The following KCNAB1 variants were observed in gnomAD, a reference collection of about 807,000 sequenced individuals.
The protein encoded by KCNAB1 is potassium voltage-gated channel subfamily A regulatory beta subunit 1, also known as voltage-gated potassium channel subunit beta-1.
KCNAB1 carries 35 observed loss-of-function variants against 64.6 expected under a neutral mutation model. The ratio of observed to expected loss-of-function variants is 0.54; its 90% confidence interval spans 0.41 to 0.72. The LOEUF is 0.72. Ranked by LOEUF, KCNAB1 falls within the 30% of genes least tolerant of loss-of-function variation. KCNAB1 has a pLI of 0.00. For missense variants in KCNAB1, 401 were observed against 512.9 expected, an observed-to-expected ratio of 0.78 and a Z score of 2.11; for synonymous variants, 177 against 183.8, an observed-to-expected ratio of 0.96 and a Z score of 0.30.
In KCNAB1 at chr3:156,223,627, C is replaced by T. The variant is rs75791263; in HGVS notation, c.275+102741C>T. 2.2e-3 allele frequency among the ~76,000 whole-genome samples: 331 copies of T among 152,256 alleles called. 2 individuals carry two copies. The highest frequency in any genetic ancestry group is 0.017 in the South Asian group (80 of 4,822). On this transcript the variant is annotated intron_variant, in intron 1 of 13. Transcript: ENST00000490337. ...GAGTGCTGATTGGTGTATTTACAAT[C>T]CCTTAGCTAGACATAAAGGTTCTCC...
At chr3:156,258,006 C>G (rs1718203842) in intron 1 of KCNAB1, among the ~76,000 whole-genome samples, 1 of 152,204 alleles carries the variant, frequency 6.6e-6, no homozygotes, top group African/African-American at 2.4e-5. Flanking sequence ...CCAACTTATT[C>G]TCAAGCAGGT....
intron 1 of KCNAB1, among the ~76,000 whole-genome samples, chr3:156,393,586 C>T (rs1167741796): frequency 1.3e-5 from 2 of 152,102 alleles, no homozygotes; most frequent in Non-Finnish European, 2.9e-5. Context: ...ATAGGGCAGG[C>T]TTTTTCAACG....
chr3:156,236,566 CG>C (rs1211076399), intron 1 of KCNAB1, among the ~76,000 whole-genome samples: 1 of 152,150 alleles, frequency 6.6e-6, no homozygotes, highest in African/African-American at 2.4e-5. Context: ...AGCAGCTGAA[CG>C]GTTGATGAAA....
At chr3:156,477,638 T>G (rs147494911) in intron 8 of KCNAB1, among the ~76,000 whole-genome samples, 38 of 152,242 alleles carry the variant, frequency 2.5e-4, no homozygotes, top group African/African-American at 9.1e-4. Flanking sequence ...AAAATGTTTA[T>G]CCTCAAACTT....
intron 1 of KCNAB1, among the ~76,000 whole-genome samples, chr3:156,356,008 G>A (rs962893460): frequency 1.3e-5 from 2 of 151,634 alleles, no homozygotes; most frequent in African/African-American, 4.9e-5. Context: ...TGTAGTCCCA[G>A]CTACTTGGGA....
At chr3:156,334,567 C>T (rs975904032) in intron 1 of KCNAB1, among the ~76,000 whole-genome samples, 3 of 152,172 alleles carry the variant, frequency 2.0e-5, no homozygotes, top group Non-Finnish European at 2.9e-5. Context: ...TCCAACACAT[C>T]GTGATTGTTA....
At chr3:156,303,205 C>T (rs1382499242) in intron 1 of KCNAB1, among the ~76,000 whole-genome samples, 1 of 152,222 alleles carries the variant, frequency 6.6e-6, no homozygotes, top group Non-Finnish European at 1.5e-5. Flanking sequence ...GCTCTCTTAT[C>T]ACTGCCTAGA....
At chr3:156,338,515 T>C (rs1169504588) in intron 1 of KCNAB1, among the ~76,000 whole-genome samples, 7 of 151,988 alleles carry the variant, frequency 4.6e-5, no homozygotes, top group Non-Finnish European at 8.8e-5. Flanking sequence ...TTTCTCCATG[T>C]TGGTGAGGCT....
upstream of KCNAB1, among the ~76,000 whole-genome samples, chr3:156,119,332 G>A (rs1010829255): frequency 1.3e-5 from 2 of 152,180 alleles, no homozygotes; most frequent in East Asian, 3.9e-4. Flanking sequence ...AGATAGTAAA[G>A]GGATGAGAAT....
intron 1 of KCNAB1, among the ~76,000 whole-genome samples, chr3:156,367,918 CA>C (rs1726050573): frequency 6.6e-6 from 1 of 152,204 alleles, no homozygotes; most frequent in Non-Finnish European, 1.5e-5. Flanking sequence ...TTCCCTATCC[CA>C]AACTCCAAAC....
intron 1 of KCNAB1, among the ~76,000 whole-genome samples, chr3:156,313,197 T>G (rs1337841300): frequency 2.0e-5 from 3 of 152,178 alleles, no homozygotes; most frequent in African/African-American, 7.2e-5. Flanking sequence ...AATAGTATAT[T>G]ATTATCAATT....
At chr3:156,201,687 G>T (rs1165596496) in intron 1 of KCNAB1, among the ~76,000 whole-genome samples, 3 of 152,238 alleles carry the variant, frequency 2.0e-5, no homozygotes, top group African/African-American at 7.2e-5. Flanking sequence ...CATGCCGGCA[G>T]CAGTGGCATG....
intron 1 of KCNAB1, among the ~76,000 whole-genome samples, chr3:156,294,372 C>CTG (rs951258954): frequency 6.6e-6 from 1 of 151,878 alleles, no homozygotes; most frequent in East Asian, 1.9e-4. Flanking sequence ...GGAGATTTGC[C>CTG]TGTGTGTGTG....
intron 1 of KCNAB1, among the ~76,000 whole-genome samples, chr3:156,177,475 C>G (rs1712466190): frequency 6.6e-6 from 1 of 152,074 alleles, no homozygotes; most frequent in South Asian, 2.1e-4. Context: ...CTTCCAGGTT[C>G]ACACCATTCT....
chr3:156,407,349 C>T (rs1284394389), intron 1 of KCNAB1, among the ~76,000 whole-genome samples: 1 of 152,212 alleles, frequency 6.6e-6, no homozygotes, highest in East Asian at 1.9e-4. Context: ...CTCTGTGAAG[C>T]TGTTTCTGGC....
chr3:156,465,530 TG>T (rs1367714975), intron 6 of KCNAB1, 112 bp from the exon 7 acceptor site: 2 of 859,840 alleles, frequency 2.3e-6, no homozygotes, highest in Admixed American at 1.9e-5. Flanking sequence ...CTCCCTCCAG[TG>T]GTGTAGAATT....
At chr3:156,248,268 G>T (rs1717585504) in intron 1 of KCNAB1, among the ~76,000 whole-genome samples, 2 of 152,188 alleles carry the variant, frequency 1.3e-5, no homozygotes, top group South Asian at 4.2e-4. Flanking sequence ...TTCTGTTTTG[G>T]GGTGGCTTCC....
intron 1 of KCNAB1, among the ~76,000 whole-genome samples, chr3:156,396,529 A>G (rs777158464): frequency 2.0e-5 from 3 of 152,146 alleles, no homozygotes; most frequent in Admixed American, 6.5e-5. Flanking sequence ...AACCAGATAA[A>G]TCATTCAATA....
At chr3:156,424,543 G>T (rs567924188) in intron 2 of KCNAB1, among the ~76,000 whole-genome samples, 2 of 151,696 alleles carry the variant, frequency 1.3e-5, no homozygotes, top group Admixed American at 6.6e-5. Context: ...ATAACTATTC[G>T]GTATTCATTA....
Sources: allele counts gnomAD v4.1 joint callset (sites outside exome capture counted in the v4.1 genomes callset), GRCh38; gene constraint gnomAD v4.1.1; transcripts MANE v1.5; gene names NCBI Gene and HGNC (gene_info 2026-07-23, HGNC 2026-07-21).